The following ROS1 variants were observed in gnomAD, a reference collection of about 807,000 sequenced individuals.
The protein encoded by ROS1 is proto-oncogene tyrosine-protein kinase ROS.
A neutral mutation model predicts 273.5 loss-of-function variants in ROS1; 263 were observed. That is an observed-to-expected ratio of 0.96 (90% CI 0.87 to 1.06). The LOEUF is 1.06. Ranked by LOEUF, ROS1 falls within the 50% of genes least tolerant of loss-of-function variation. ROS1 has a pLI of 0.00. For synonymous variants in ROS1, 1,008 were observed against 954.1 expected, an observed-to-expected ratio of 1.06 and a Z score of -1.04; for missense variants, 2,833 against 2,751.1, an observed-to-expected ratio of 1.03 and a Z score of -0.67.
chr6:117,291,049 C>A (rs566652809), intron 43 of ROS1, among the ~76,000 whole-genome samples: 3 of 152,158 alleles, frequency 2.0e-5, no homozygotes, highest in Non-Finnish European at 4.4e-5. Context: ...TGCAGATATG[C>A]AAACTCCGCC....
At chr6:117,400,338 T>C (rs868159180) in intron 7 of ROS1, among the ~76,000 whole-genome samples, 15 of 152,346 alleles carry the variant, frequency 9.8e-5, no homozygotes, top group African/African-American at 3.4e-4. Context: ...TACTATGAGG[T>C]TAGTTAGGCA....
At position 117,366,076 on chromosome 6, in the gene ROS1, CT is replaced by C; in HGVS notation, c.2796del (p.Asn934ThrfsTer37). On this transcript the variant is annotated frameshift_variant and splice_region_variant, in exon 19 of 44. Transcript: ENST00000368507. LOFTEE classifies it high-confidence loss of function. ...GGTAAGCAGGAATGAAATACTGTAC[CT>C]GGCAGGGGCTTAAGGGATGTCTGAA... Reference protein sequence around the residue: ...TIIQTSLKPLPGNFSFTPKVI... With the variant: ...TIIQTSLKPLXGNFSFTPKVI... 1.2e-6 allele frequency: 2 copies of C among 1,610,150 alleles called. No homozygotes were observed. The highest frequency in any genetic ancestry group is 1.7e-6 in the Non-Finnish European group (2 of 1,176,476).
chr6:117,403,250 T>A lies in ROS1; in HGVS notation c.493A>T (p.Lys165Ter). ...TACTCAGTGAAGGGGTGCAGGGGCT[T>A]GACCACATAGGACGGTCTGGACACA... Reference protein sequence around the residue: ...KTVSRPSYVVKPLHPFTEYIF... With the variant: ...KTVSRPSYVV The change falls in exon 7 of 44, where the codon AAG becomes TAG. Residue 165 changes from lysine (K) to a stop codon, truncating the protein, a stop_gained. Transcript: ENST00000368507. LOFTEE classifies it high-confidence loss of function. 6.2e-7 allele frequency: 1 copy of A among 1,612,230 alleles called. No individual in the cohort carries two copies. The highest frequency in any genetic ancestry group is 8.5e-7 in the Non-Finnish European group (1 of 1,179,586).
chr6:117,394,590 G>C, intron 10 of ROS1, 26 bp downstream of exon 10: 1 of 1,495,774 alleles, frequency 6.7e-7, no homozygotes, highest in South Asian at 1.5e-5. Context: ...TCACACTAAG[G>C]AATCATTTAT....
At chr6:117,359,604 C>T (rs1397422893) in intron 24 of ROS1, among the ~76,000 whole-genome samples, 1 of 152,156 alleles carries the variant, frequency 6.6e-6, no homozygotes. Flanking sequence ...ATCCTAAACC[C>T]AATAACTATT....
chr6:117,413,929 C>T (rs1015943929), intron 4 of ROS1, among the ~76,000 whole-genome samples: 3 of 151,746 alleles, frequency 2.0e-5, no homozygotes, highest in African/African-American at 4.8e-5. Flanking sequence ...TGCAGTCAGC[C>T]GAGATTGCAC....
At chr6:117,361,422 CATAT>C (rs34059535) in intron 22 of ROS1, among the ~76,000 whole-genome samples, 3 of 146,834 alleles carry the variant, frequency 2.0e-5, no homozygotes, top group South Asian at 2.1e-4. Context: ...TATAATGGTG[CATAT>C]ATATATATAT....
chr6:117,397,103 T>C lies in ROS1; in HGVS notation c.618A>G (p.Ala206=), dbSNP rs1022984991. 1.2e-6 allele frequency: 2 copies of C among 1,611,940 alleles called. No individual in the cohort carries two copies. The highest frequency in any genetic ancestry group is 1.3e-5 in the African/African-American group (1 of 74,956). ...RTHPHGVPET[A]PLIRNIESSS... ...AGCTCTCAATATTCCTAATCAAAGGTGCAGTTTCAGGAACTGGAAGAGATA... is the reference window on the plus strand; with the variant it reads ...AGCTCTCAATATTCCTAATCAAAGGCGCAGTTTCAGGAACTGGAAGAGATA... Residue 206 remains alanine, a synonymous_variant, in exon 8 of 44, where the codon GCA becomes GCG. Transcript: ENST00000368507.
At position 117,365,187 on chromosome 6, in the gene ROS1, T is replaced by G; in HGVS notation, c.2976A>C (p.Gln992His). The G allele has an allele frequency of 6.2e-7, 1 of 1,604,054 alleles. No homozygotes were observed. Among genetic ancestry groups the G allele is most frequent in the Non-Finnish European group, 8.5e-7 (1 of 1,176,114 alleles). Reference sequence around the variant, plus strand: ...CCACAGTAAATACAGGTAAAGAGTGTTGTTCACTAGCCAAGAACTAAAATA... The same window carrying G: ...CCACAGTAAATACAGGTAAAGAGTGGTGTTCACTAGCCAAGAACTAAAATA... ...SAHSKFLASE[Q>H]HSLPVFTVEG... The change falls in exon 21 of 44, where the codon CAA becomes CAC. Residue 992 changes from glutamine to histidine, a missense_variant. Transcript: ENST00000368507.
At chr6:117,395,274 G>T (rs1326266465) in intron 9 of ROS1, among the ~76,000 whole-genome samples, 1 of 152,072 alleles carries the variant, frequency 6.6e-6, no homozygotes, top group Non-Finnish European at 1.5e-5. Flanking sequence ...CATTTTTAGG[G>T]TATTTAATGA....
In ROS1 at chr6:117,394,542, T is replaced by C. The variant is rs1224735858; in HGVS notation, c.1006+74A>G. 10 of 1,273,276 alleles carry C rather than the reference T, an allele frequency of 7.9e-6. No individual in the cohort carries two copies. The African/African-American group carries it at 1.4e-4, about 17-fold the overall frequency. The allele number at this position is 1,273,276 out of a possible 1,614,324, so 78.9% of individuals were successfully genotyped here. A position where few individuals can be genotyped will look rare whatever the true frequency, so the allele number is the denominator to read the frequency against. On this transcript the variant is annotated intron_variant, in intron 10 of 43. Coordinates refer to ENST00000368507, the MANE Select transcript of ROS1 (RefSeq NM_001378902.1). Reference sequence around the variant, plus strand: ...ATGTTCCAGAAATATTCAAAAATTTTCTTTTATTCTAGAAGTACTTCTTTT... The same window carrying C: ...ATGTTCCAGAAATATTCAAAAATTTCCTTTTATTCTAGAAGTACTTCTTTT...
At chr6:117,361,037 T>G (rs1779758709) in intron 22 of ROS1, among the ~76,000 whole-genome samples, 2 of 152,212 alleles carry the variant, frequency 1.3e-5, no homozygotes, top group South Asian at 2.1e-4. Flanking sequence ...TCTTTTGATC[T>G]TCACAACTAC....
Position 117,288,308 on chromosome 6 carries a change from T to C in ROS1, c.*184A>G, listed in dbSNP as rs1773576356. 3.4e-6 allele frequency: 2 copies of C among 596,900 alleles called. No homozygotes were observed. Among genetic ancestry groups the C allele is most frequent in the Non-Finnish European group, 5.8e-6 (2 of 341,976 alleles). The allele number at this position is 596,900 out of a possible 1,614,324, so 37.0% of individuals were successfully genotyped here. A position where few individuals can be genotyped will look rare whatever the true frequency, so the allele number is the denominator to read the frequency against. On this transcript the variant is annotated 3_prime_UTR_variant, in exon 44 of 44. Coordinates refer to ENST00000368507, the MANE Select transcript of ROS1 (RefSeq NM_001378902.1). ...ATAATTCTACTGAAAGTCAGGCAGC[T>C]GGTATGGGGATTGCTACAACTGAAA...
At chr6:117,329,884 C>T (rs943833285) in intron 32 of ROS1, among the ~76,000 whole-genome samples, 8 of 152,202 alleles carry the variant, frequency 5.3e-5, no homozygotes, top group African/African-American at 1.9e-4. Context: ...CGAGGCCTAG[C>T]ATCCCAACCC....
chr6:117,416,451 G>T (rs1265022460), intron 2 of ROS1, 134 bp from the exon 3 acceptor site: 12 of 648,364 alleles, frequency 1.9e-5, no homozygotes, highest in Non-Finnish European at 3.3e-5. Flanking sequence ...GAAACCTGAG[G>T]CCTCCAAAAG....
chr6:117,362,752 C>T lies in ROS1; in HGVS notation c.3217G>A (p.Val1073Met), dbSNP rs1458536244. The T allele has an allele frequency of 6.2e-7, 1 of 1,613,650 alleles. No individual in the cohort carries two copies. Among genetic ancestry groups the T allele is most frequent in the Non-Finnish European group, 8.5e-7 (1 of 1,179,690 alleles). Residue 1073 changes from valine (V) to methionine (M), a missense_variant, in exon 22 of 44, where the codon GTG becomes ATG. Physicochemically the swap from Val to Met is conservative, Grantham distance 21. Transcript: ENST00000368507. ...RWNKPKHENG[V>M]LTKFEIFYNI... is the part of the protein sequence containing the mutation. ...TAGAAAATTTCAAATTTTGTTAACA[C>T]CCCATTTTCATGCTTAGGTTTGTTC...
At chr6:117,308,171 A>G (rs1775254934) in intron 42 of ROS1, among the ~76,000 whole-genome samples, 1 of 152,132 alleles carries the variant, frequency 6.6e-6, no homozygotes, top group African/African-American at 2.4e-5. Flanking sequence ...CTCAGAATAA[A>G]AACCTTTTTC....
Position 117,396,161 on chromosome 6 carries a change from A to C in ROS1, c.883+27T>G, listed in dbSNP as rs756296726. ...ACCCTTGCCACCCTCATTCCTGTGT[A>C]GCTAAAGGAAGAAGCCTGACCCATA... On this transcript the variant is annotated intron_variant, in intron 9 of 43. Transcript: ENST00000368507. The C allele has an allele frequency of 4.4e-6, 7 of 1,588,582 alleles. No homozygotes were observed. In the Admixed American group the frequency reaches 8.4e-5, roughly 19 times the overall value.
chr6:117,397,556 G>A (rs1365605487), intron 7 of ROS1, among the ~76,000 whole-genome samples: 4 of 152,146 alleles, frequency 2.6e-5, no homozygotes, highest in Admixed American at 6.5e-5. Context: ...GGGCAGCCTT[G>A]CTGGTTCCAG....
Sources: gnomAD v4.1 joint callset for allele counts (sites outside exome capture counted in the v4.1 genomes callset) on GRCh38, gnomAD v4.1.1 for gene constraint, MANE v1.5 for transcripts, NCBI Gene and HGNC (gene_info 2026-07-23, HGNC 2026-07-21) for gene names.